DMTF1: variants seen among roughly 807,000 people sequenced by gnomAD.
The protein encoded by DMTF1 is cyclin-D-binding Myb-like transcription factor 1.
A neutral mutation model predicts 91.1 loss-of-function variants in DMTF1; 39 were observed. That is an observed-to-expected ratio of 0.43 (90% CI 0.33 to 0.56). The LOEUF is 0.56. Ranked by LOEUF, DMTF1 falls within the 20% of genes least tolerant of loss-of-function variation. The pLI is 0.05. For synonymous variants in DMTF1, 338 were observed against 309.5 expected, an observed-to-expected ratio of 1.09 and a Z score of -0.97; for missense variants, 750 against 914.5, an observed-to-expected ratio of 0.82 and a Z score of 2.32.
chr7:87,175,767 A>G (rs1171368977), intron 7 of DMTF1, among the ~76,000 whole-genome samples: 1 of 152,216 alleles, frequency 6.6e-6, no homozygotes, highest in Admixed American at 6.5e-5. Flanking sequence ...CAAAACCAAC[A>G]CACATTAAAT....
In DMTF1 at chr7:87,194,018, G is replaced by C. The variant is rs774479177; in HGVS notation, c.1944G>C (p.Met648Ile). ...QNSTELMNSV[M>I]VRTEEEISDT... ...GCACAGAACTGATGAATAGTGTTATGGTCAGAACAGAAGAAGAAATCTCTG... is the reference window on the plus strand; with the variant it reads ...GCACAGAACTGATGAATAGTGTTATCGTCAGAACAGAAGAAGAAATCTCTG... Residue 648 changes from methionine to isoleucine, a missense_variant, in exon 16 of 18, where the codon ATG becomes ATC. By Grantham distance (10) the Met-to-Ile change is conservative (BLOSUM62 1). Transcript: ENST00000331242. 2 of 1,613,070 alleles carry C rather than the reference G, an allele frequency of 1.2e-6. No homozygotes were observed. Among genetic ancestry groups the C allele is most frequent in the East Asian group, 4.5e-5 (2 of 44,850 alleles).
At chr7:87,189,044 G>T (rs1799139129) in intron 13 of DMTF1, among the ~76,000 whole-genome samples, 1 of 152,098 alleles carries the variant, frequency 6.6e-6, no homozygotes, top group Non-Finnish European at 1.5e-5. Flanking sequence ...TCTCAACCAG[G>T]TGATTATTGG....
chr7:87,194,919 C>A, intron 17 of DMTF1, 91 bp downstream of exon 17: 2 of 1,449,272 alleles, frequency 1.4e-6, no homozygotes, highest in Non-Finnish European at 1.9e-6. Flanking sequence ...TTTCTTGATC[C>A]AATAAGCTAC....
chr7:87,174,754 T>G (rs1461941669), intron 7 of DMTF1, 85 bp downstream of exon 7: 1 of 812,518 alleles, frequency 1.2e-6, no homozygotes, highest in Non-Finnish European at 2.0e-6. Context: ...TGTGCACTTA[T>G]TAGGAGCTTT....
chr7:87,176,953 T>A (rs1230270838), intron 7 of DMTF1, among the ~76,000 whole-genome samples: 1 of 152,130 alleles, frequency 6.6e-6, no homozygotes, highest in South Asian at 2.1e-4. Flanking sequence ...CAGGAGAATC[T>A]TTCATCTCAC....
At chr7:87,172,023 CT>C (rs1562806862) in intron 5 of DMTF1, among the ~76,000 whole-genome samples, 2 of 152,276 alleles carry the variant, frequency 1.3e-5, no homozygotes, top group East Asian at 3.9e-4. Context: ...TATAGACATA[CT>C]TTGGGAAATG....
rs551980088 is a variant in DMTF1 at position 87,190,571 on chromosome 7, A to G, written c.1412-374A>G. On this transcript the variant is annotated intron_variant, in intron 13 of 17. Transcript: ENST00000331242. Reference sequence around the variant, plus strand: ...AAACCTTTTCTATAAAGGAACAGATATAGTAAATATTTTAGGCTTTATGGG... The same window carrying G: ...AAACCTTTTCTATAAAGGAACAGATGTAGTAAATATTTTAGGCTTTATGGG... 2.2e-3 allele frequency among the ~76,000 whole-genome samples: 341 copies of G among 152,236 alleles called. 1 individual carries two copies. The highest frequency in any genetic ancestry group is 4.3e-3 in the Non-Finnish European group (291 of 67,958).
At chr7:87,194,633 A>G (rs1321123540) in intron 16 of DMTF1, 51 bp from the exon 17 acceptor site, 1 of 1,390,746 alleles carries the variant, frequency 7.2e-7, no homozygotes, top group East Asian at 2.3e-5. Context: ...TGGGATTTTA[A>G]GGAAGACTAG....
In DMTF1 at chr7:87,164,984, ACTGTGAACT is replaced by A. The variant is rs779693789; in HGVS notation, c.50_58del (p.Asn17_Val19del). The A allele has an allele frequency of 1.9e-6, 3 of 1,610,148 alleles. No homozygotes were observed. Among genetic ancestry groups the A allele is most frequent in the Non-Finnish European group, 2.5e-6 (3 of 1,178,196 alleles). On this transcript the variant is annotated inframe_deletion, in exon 3 of 18. Coordinates refer to ENST00000331242, the MANE Select transcript of DMTF1 (RefSeq NM_001142327.2). ...GGATTCTGACACAGTAACAGTAGAA[ACTGTGAACT>A]CTGTGACTTTGACTCAGGACACAGA...
At chr7:87,182,142 GGAA>G (rs1320950312) in intron 9 of DMTF1, 83 bp from the exon 10 acceptor site, 3 of 1,588,126 alleles carry the variant, frequency 1.9e-6, no homozygotes, top group African/African-American at 1.3e-5. Flanking sequence ...CAGTCAAATG[GGAA>G]GAAGAAGAAT....
intron 4 of DMTF1, among the ~76,000 whole-genome samples, chr7:87,166,867 A>T (rs541718846): frequency 6.6e-6 from 1 of 151,158 alleles, no homozygotes; most frequent in African/African-American, 2.4e-5. Flanking sequence ...TTTATTCCTG[A>T]TTGTGCTTTT....
intron 1 of DMTF1, among the ~76,000 whole-genome samples, chr7:87,158,090 C>A (rs563747510): frequency 1.3e-5 from 2 of 151,666 alleles, no homozygotes; most frequent in South Asian, 4.2e-4. Context: ...CTTTTGTGGC[C>A]CAGAAGTATA....
rs764339098 is a variant in DMTF1, at chr7:87,195,092, T to C, written c.2235T>C (p.Pro745=). The C allele has an allele frequency of 6.2e-7, 1 of 1,612,416 alleles. No individual in the cohort carries two copies. Among genetic ancestry groups the C allele is most frequent in the Admixed American group, 1.7e-5 (1 of 59,884 alleles). ...TCATTGGATCATCCTTGGGCAGTCC[T>C]GTTTCAGAAGATTCAAAGGATGTCG... ...SNIIGSSLGS[P]VSEDSKDVED... The change falls in exon 18 of 18, where the codon CCT becomes CCC. Residue 745 remains proline, a synonymous_variant. Coordinates refer to ENST00000331242, the MANE Select transcript of DMTF1 (RefSeq NM_001142327.2).
chr7:87,160,809 C>T (rs927943909), intron 1 of DMTF1, among the ~76,000 whole-genome samples: 9 of 152,130 alleles, frequency 5.9e-5, no homozygotes, highest in African/African-American at 2.2e-4. Flanking sequence ...TAGGTTTTCT[C>T]CTGCATCTCT....
rs1435205122 is a variant in DMTF1 at position 87,184,276 on chromosome 7, T to G, written c.821-121T>G. The G allele has an allele frequency of 8.1e-6, 7 of 859,514 alleles. No individual in the cohort carries two copies. In the Admixed American group the frequency reaches 1.3e-4, roughly 16 times the overall value. 53.2% of individuals were successfully genotyped at this position (859,514 alleles called of 1,614,324 possible). A position where few individuals can be genotyped will look rare whatever the true frequency, so the allele number is the denominator to read the frequency against. Reference sequence around the variant, plus strand: ...GTATATATGGTTTTCCACCAGAGGGTCATTCAGAAACAAACTCTTAGTACT... The same window carrying G: ...GTATATATGGTTTTCCACCAGAGGGGCATTCAGAAACAAACTCTTAGTACT... On this transcript the variant is annotated intron_variant, in intron 10 of 17. Transcript: ENST00000331242.
rs142974442 is a variant in DMTF1, at chr7:87,184,516, G to A, written c.940G>A (p.Gly314Ser). Residue 314 changes from glycine to serine, a missense_variant, in exon 11 of 18, where the codon GGT becomes AGT. Gly to Ser is a moderately conservative substitution (Grantham distance 56, BLOSUM62 0). Transcript: ENST00000331242. Reference sequence around the variant, plus strand: ...TTGGGCAGCTGTGGCTGAACGAGTCGGTACCCGCTCAGAAAAGCAATGTCG... The same window carrying A: ...TTGGGCAGCTGTGGCTGAACGAGTCAGTACCCGCTCAGAAAAGCAATGTCG... ...VSWAAVAERV[G>S]TRSEKQCRSK... 1.5e-5 allele frequency: 24 copies of A among 1,613,856 alleles called. No homozygotes were observed. Among genetic ancestry groups the A allele is most frequent in the East Asian group, 4.5e-5 (2 of 44,874 alleles).
rs191056663 is a variant in DMTF1, at chr7:87,187,320, C to T, written c.1202-772C>T. On this transcript the variant is annotated intron_variant, in intron 12 of 17. Transcript: ENST00000331242. ...AGGCCAAGGCAGGAGGATCACTTGA[C>T]GCTAGGAGTTTGAGACCAGCCTGGG... 243 of 152,478 alleles carry T rather than the reference C, an allele frequency of 1.6e-3. 2 individuals are homozygous for T. The highest frequency in any genetic ancestry group is 3.5e-3 in the Admixed American group (54 of 15,292). 9.4% of individuals were successfully genotyped at this position (152,478 alleles called of 1,614,324 possible). A position where few individuals can be genotyped will look rare whatever the true frequency, so the allele number is the denominator to read the frequency against.
At chr7:87,179,188 A>T (rs939751009) in intron 7 of DMTF1, among the ~76,000 whole-genome samples, 2 of 151,918 alleles carry the variant, frequency 1.3e-5, no homozygotes, top group African/African-American at 4.8e-5. Flanking sequence ...CAAAGAACCA[A>T]TTTCTAGATT....
At chr7:87,161,150 G>A (rs978263155) in intron 1 of DMTF1, among the ~76,000 whole-genome samples, 9 of 152,098 alleles carry the variant, frequency 5.9e-5, no homozygotes, top group African/African-American at 2.2e-4. Context: ...ATTAATAAAT[G>A]TACTGACCAC....
Sources: gnomAD v4.1 joint callset for allele counts (sites outside exome capture counted in the v4.1 genomes callset) on GRCh38, gnomAD v4.1.1 for gene constraint, MANE v1.5 for transcripts, NCBI Gene and HGNC (gene_info 2026-07-23, HGNC 2026-07-21) for gene names.